The following PCDHGA1 variants were observed in gnomAD, a reference collection of about 807,000 sequenced individuals.
The protein encoded by PCDHGA1 is protocadherin gamma subfamily A, 1, also known as protocadherin gamma-A1.
A neutral mutation model predicts 58.0 loss-of-function variants in PCDHGA1; 32 were observed. The observed-to-expected ratio is 0.55, with a 90% CI of 0.42 to 0.74. The LOEUF (loss-of-function observed/expected upper bound fraction) is 0.74, where lower values mean the gene tolerates loss of function less well. Ranked by LOEUF, PCDHGA1 falls within the 30% of genes least tolerant of loss-of-function variation. The probability of loss-of-function intolerance (pLI) is 0.00; values close to 1 mark genes in which losing one functional copy is unlikely to be tolerated. For synonymous variants in PCDHGA1, 498 were observed against 501.1 expected, an observed-to-expected ratio of 0.99 and a Z score of 0.08; for missense variants, 1,205 against 1,182.3, an observed-to-expected ratio of 1.02 and a Z score of -0.28.
intron 1 of PCDHGA1, chr5:141,394,441 G>A (rs1161641966): frequency 6.2e-7 from 1 of 1,614,236 alleles, no homozygotes; most frequent in Admixed American, 1.7e-5. Flanking sequence ...CCGCCCCTCA[G>A]CAGCAACATG....
intron 1 of PCDHGA1, among the ~76,000 whole-genome samples, chr5:141,480,720 G>C (rs2099524423): frequency 6.6e-6 from 1 of 152,146 alleles, no homozygotes; most frequent in Non-Finnish European, 1.5e-5. Context: ...TGAAAGCACA[G>C]TCTCTGGGGG....
chr5:141,408,379 G>T (rs2095093592), intron 1 of PCDHGA1: 13 of 1,613,914 alleles, frequency 8.1e-6, no homozygotes, highest in Non-Finnish European at 1.1e-5. Context: ...TCAGTGTCCT[G>T]GATGTGTCGG....
intron 1 of PCDHGA1, chr5:141,422,116 T>G (rs753281558): frequency 1.2e-6 from 2 of 1,604,612 alleles, no homozygotes; most frequent in African/African-American, 1.3e-5. Flanking sequence ...CCAATTGGAT[T>G]CACAAACTGG....
chr5:141,377,638 G>T (rs1588842725), intron 1 of PCDHGA1: 1 of 151,416 alleles, frequency 6.6e-6, no homozygotes, highest in East Asian at 1.9e-4. Flanking sequence ...TTTTCTCAGT[G>T]TTACTTGATA....
chr5:141,415,915 TGC>T, intron 1 of PCDHGA1: 1 of 724,854 alleles, frequency 1.4e-6, no homozygotes, highest in Non-Finnish European at 1.9e-6. Flanking sequence ...CATACAGAAG[TGC>T]CTGTCAATTT....
chr5:141,410,849 C>CTTTTTTTTCTTTTTT (rs2095433387), intron 1 of PCDHGA1: 1 of 129,786 alleles, frequency 7.7e-6, no homozygotes, highest in African/African-American at 6.0e-5. Context: ...TTGTCTTTGT[C>CTTTTTTTTCTTTTTT]TTTTTTTTTT....
intron 1 of PCDHGA1, chr5:141,427,676 T>G: frequency 1.2e-6 from 1 of 813,766 alleles, no homozygotes; most frequent in Non-Finnish European, 2.1e-6. Flanking sequence ...AAAACAACCT[T>G]CCCGGAGCCT....
At chr5:141,340,274 G>C (rs1452914479) in intron 1 of PCDHGA1, 1 of 1,614,126 alleles carries the variant, frequency 6.2e-7, no homozygotes, top group South Asian at 1.1e-5. Context: ...CCTGTCCACG[G>C]ATGCTCACAT....
intron 1 of PCDHGA1, chr5:141,422,453 G>GA: frequency 6.2e-7 from 1 of 1,611,704 alleles, no homozygotes. Context: ...ATAACAAGCA[G>GA]AGTGCTGGAC....
intron 1 of PCDHGA1, among the ~76,000 whole-genome samples, chr5:141,338,191 T>C (rs1588444380): frequency 6.6e-6 from 1 of 152,228 alleles, no homozygotes; most frequent in Non-Finnish European, 1.5e-5. Flanking sequence ...TACTTTCTTA[T>C]GTCCTCCTCC....
intron 1 of PCDHGA1, chr5:141,395,233 G>T: frequency 6.2e-7 from 1 of 1,602,052 alleles, no homozygotes; most frequent in Non-Finnish European, 8.5e-7. Context: ...GCTGATCATG[G>T]TCAGGTGAGT....
At chr5:141,455,103 C>T (rs1319698016) in intron 1 of PCDHGA1, among the ~76,000 whole-genome samples, 1 of 151,862 alleles carries the variant, frequency 6.6e-6, no homozygotes, top group South Asian at 2.1e-4. Flanking sequence ...TGAGCCACTG[C>T]GCCCGGTGGG....
intron 1 of PCDHGA1, chr5:141,421,945 A>T: frequency 2.5e-6 from 4 of 1,613,342 alleles, no homozygotes; most frequent in Non-Finnish European, 3.4e-6. Context: ...AAATGATCAC[A>T]TCCCAATGTT....
At position 141,476,002 on chromosome 5, in the gene PCDHGA1, C is replaced by A; in HGVS notation, c.2422-18805C>A. 1 of 1,247,396 alleles carries A rather than the reference C, an allele frequency of 8.0e-7. No individual in the cohort carries two copies. Among genetic ancestry groups the A allele is most frequent in the Non-Finnish European group, 1.1e-6 (1 of 904,880 alleles). 77.3% of individuals were successfully genotyped at this position (1,247,396 alleles called of 1,614,324 possible). ...AGCCGGCGAGCAAATCAACGGCATC[C>A]AGAAAGCCATGTCGGACTCGGCGCC... On this transcript the variant is annotated intron_variant, in intron 1 of 3. Transcript: ENST00000517417. This position sits in a 1 kb window ranked among gnomAD's most constrained non-coding sequence, Gnocchi z 7.6.
intron 1 of PCDHGA1, chr5:141,373,964 C>A: frequency 1.0e-6 from 1 of 955,768 alleles, no homozygotes; most frequent in Non-Finnish European, 1.5e-6. Flanking sequence ...TGACCTGAAA[C>A]GCTTCGCATC....
intron 1 of PCDHGA1, chr5:141,413,247 C>T (rs1168509242): frequency 1.2e-6 from 2 of 1,613,822 alleles, no homozygotes; most frequent in African/African-American, 2.7e-5. Flanking sequence ...GCCTTTTCTT[C>T]GGGATTCCAT....
intron 1 of PCDHGA1, among the ~76,000 whole-genome samples, chr5:141,480,216 C>T (rs1055544952): frequency 1.9e-4 from 28 of 147,036 alleles, no homozygotes; most frequent in Non-Finnish European, 3.6e-4. Flanking sequence ...CCAGCCTGAG[C>T]GACATAGTGA....
intron 1 of PCDHGA1, chr5:141,339,979 G>C (rs758389065): frequency 6.2e-7 from 1 of 1,614,122 alleles, no homozygotes; most frequent in Non-Finnish European, 8.5e-7. Context: ...TTATCGTCAC[G>C]GTTCTGGATG....
chr5:141,395,788 C>A (rs1254748153), intron 1 of PCDHGA1: 2 of 152,198 alleles, frequency 1.3e-5, no homozygotes, highest in African/African-American at 4.8e-5. Context: ...AACTTTAATA[C>A]TTCTTACCAT....
Sources: allele counts gnomAD v4.1 joint callset (sites outside exome capture counted in the v4.1 genomes callset), GRCh38; gene constraint gnomAD v4.1.1; non-coding constraint Gnocchi (gnomAD v3.1); transcripts MANE v1.5; gene names NCBI Gene and HGNC (gene_info 2026-07-23, HGNC 2026-07-21).